NOX4: variants seen among roughly 807,000 people sequenced by gnomAD.
The protein encoded by NOX4 is NADPH oxidase 4.
In NOX4, 69 loss-of-function variants were observed where a neutral mutation model predicts 87.6. The ratio of observed to expected loss-of-function variants is 0.79; its 90% CI spans 0.65 to 0.96. The LOEUF is 0.96. Ranked by LOEUF, NOX4 falls within the 40% of genes least tolerant of loss-of-function variation. The probability of loss-of-function intolerance (pLI) is 0.00; values close to 1 mark genes in which losing one functional copy is unlikely to be tolerated. For missense variants in NOX4, 680 were observed against 681.5 expected (o/e 1.00, Z 0.02); for synonymous variants, 275 against 238.2 (o/e 1.15, Z -1.42).
At chr11:89,352,778 C>T (rs942099952) in intron 13 of NOX4, among the ~76,000 whole-genome samples, 7 of 152,092 alleles carry the variant, frequency 4.6e-5, no homozygotes, top group Admixed American at 1.3e-4. Flanking sequence ...TATGGATGAG[C>T]AAGTAAAGTA....
the NOX4 span, chr11:89,533,796 C>T: frequency 6.6e-6 from 1 of 152,208 alleles, no homozygotes; most frequent in Non-Finnish European, 1.5e-5. Flanking sequence ...TCTGTAAAGA[C>T]TGTTGATTCT....
the NOX4 span, among the ~76,000 whole-genome samples, chr11:89,559,871 T>C: frequency 1.3e-5 from 2 of 151,976 alleles, no homozygotes; most frequent in Non-Finnish European, 1.5e-5. Context: ...AGTCTCTGAA[T>C]TGAGAAAAAG....
chr11:89,376,481 T>C (rs1939847623), intron 11 of NOX4, among the ~76,000 whole-genome samples: 1 of 152,254 alleles, frequency 6.6e-6, no homozygotes, highest in Non-Finnish European at 1.5e-5. Flanking sequence ...TATTGATATC[T>C]ACAGCTCTAT....
upstream of NOX4, among the ~76,000 whole-genome samples, chr11:89,491,733 C>CGT (rs1306689374): frequency 8.7e-6 from 1 of 115,430 alleles, no homozygotes; most frequent in Non-Finnish European, 2.1e-5. Context: ...CTTGTACACA[C>CGT]ACACACACAC....
chr11:89,373,277 C>CAAAAA (rs144113376), intron 12 of NOX4, among the ~76,000 whole-genome samples, 155 bp downstream of exon 12: 33 of 59,092 alleles, frequency 5.6e-4, no homozygotes, highest in East Asian at 1.8e-3. Context: ...ACTGTACAAG[C>CAAAAA]AAAAAAAAAA....
upstream of NOX4, among the ~76,000 whole-genome samples, chr11:89,496,257 G>A (rs1946948790): frequency 6.6e-6 from 1 of 152,158 alleles, no homozygotes; most frequent in South Asian, 2.1e-4. Flanking sequence ...GAGAAATTCT[G>A]AAGACATTGG....
the NOX4 span, among the ~76,000 whole-genome samples, chr11:89,508,952 A>T: frequency 5.3e-5 from 8 of 152,142 alleles, no homozygotes; most frequent in Non-Finnish European, 8.8e-5. Flanking sequence ...GATTTTTTTT[A>T]AAAATGGTGT....
the NOX4 span, among the ~76,000 whole-genome samples, chr11:89,506,042 A>T: frequency 6.6e-6 from 1 of 151,802 alleles, no homozygotes; most frequent in South Asian, 2.1e-4. Context: ...ATAAACATAG[A>T]TATAAAAATA....
intron 8 of NOX4, among the ~76,000 whole-genome samples, chr11:89,410,985 G>A (rs1942449457): frequency 6.6e-6 from 1 of 152,040 alleles, no homozygotes; most frequent in East Asian, 2.0e-4. Context: ...TTGAAGAGAG[G>A]AGAGGGATGA....
chr11:89,331,427 TA>T (rs1316478577), intron 17 of NOX4, among the ~76,000 whole-genome samples: 9 of 151,484 alleles, frequency 5.9e-5, no homozygotes, highest in Non-Finnish European at 1.3e-4. Flanking sequence ...TAGTAAAAAT[TA>T]AAAAAAGCTA....
chr11:89,387,518 C>T (rs1306562366), intron 11 of NOX4, among the ~76,000 whole-genome samples: 1 of 152,136 alleles, frequency 6.6e-6, no homozygotes, highest in African/African-American at 2.4e-5. Flanking sequence ...ATTGCTCACA[C>T]AAAGCCTGTT....
In NOX4 at chr11:89,345,579, C is replaced by A. The variant is rs147722270; in HGVS notation, c.1218-3386G>T. On this transcript the variant is annotated intron_variant, in intron 13 of 17. Coordinates refer to ENST00000263317, the MANE Select transcript of NOX4 (RefSeq NM_016931.5). Reference sequence around the variant, plus strand: ...AGGTAGGTAATTTTTTCAATCCCTGCACCTTTCCCTCCCACATCTTGTATT... The same window carrying A: ...AGGTAGGTAATTTTTTCAATCCCTGAACCTTTCCCTCCCACATCTTGTATT... 4.0e-4 allele frequency among the ~76,000 whole-genome samples: 61 copies of A among 152,296 alleles called. No individual in the cohort carries two copies. In the East Asian group the frequency reaches 0.01, roughly 26 times the overall value.
chr11:89,513,261 A>G, the NOX4 span, among the ~76,000 whole-genome samples: 1 of 152,120 alleles, frequency 6.6e-6, no homozygotes, highest in South Asian at 2.1e-4. Context: ...TGGAGGTTGC[A>G]GTGAGCCAAG....
the NOX4 span, among the ~76,000 whole-genome samples, chr11:89,538,635 C>A: frequency 5.3e-5 from 8 of 152,200 alleles, no homozygotes; most frequent in Admixed American, 4.6e-4. Context: ...GACCTTTCTA[C>A]ATCTTCTGTT....
chr11:89,452,460 C>G (rs1330498111), intron 2 of NOX4, among the ~76,000 whole-genome samples: 1 of 152,178 alleles, frequency 6.6e-6, no homozygotes, highest in Admixed American at 6.6e-5. Flanking sequence ...TGATCGGAAA[C>G]TAGGAGAGAA....
intron 17 of NOX4, among the ~76,000 whole-genome samples, chr11:89,335,033 T>TA (rs1216754107): frequency 1.3e-5 from 2 of 151,776 alleles, no homozygotes; most frequent in African/African-American, 4.8e-5. Context: ...GTGGATATGT[T>TA]TAAAGAAATT....
At chr11:89,458,057 T>C (rs1945287124) in intron 2 of NOX4, among the ~76,000 whole-genome samples, 1 of 152,142 alleles carries the variant, frequency 6.6e-6, no homozygotes, top group African/African-American at 2.4e-5. Context: ...GAAAAAAAAC[T>C]ATTTTAAATT....
intron 7 of NOX4, among the ~76,000 whole-genome samples, chr11:89,428,490 C>A (rs1035722294): frequency 6.6e-6 from 1 of 151,940 alleles, no homozygotes; most frequent in Non-Finnish European, 1.5e-5. Context: ...TGCAGACACA[C>A]ATAGGCTCAA....
chr11:89,441,498 T>C (rs1397626756), intron 5 of NOX4, among the ~76,000 whole-genome samples: 1 of 152,148 alleles, frequency 6.6e-6, no homozygotes, highest in African/African-American at 2.4e-5. Flanking sequence ...AAGGAAACGA[T>C]TGATATAGTG....
Sources: gnomAD v4.1 joint callset for allele counts (sites outside exome capture counted in the v4.1 genomes callset) on GRCh38, gnomAD v4.1.1 for gene constraint, MANE v1.5 for transcripts, NCBI Gene and HGNC (gene_info 2026-07-23, HGNC 2026-07-21) for gene names.